The following PCDH11X variants were observed in gnomAD, a reference collection of about 807,000 sequenced individuals.
The protein encoded by PCDH11X is protocadherin 11 X-linked.
A neutral mutation model predicts 53.3 loss-of-function variants in PCDH11X; 18 were observed. That is an observed-to-expected ratio of 0.34 (90% CI 0.23 to 0.50). The LOEUF (loss-of-function observed/expected upper bound fraction) is 0.50, where lower values mean the gene tolerates loss of function less well. Among genes scored for constraint, PCDH11X ranks in the 20% least tolerant of loss-of-function variants. PCDH11X has a pLI of 0.98. For missense variants in PCDH11X, 570 were observed against 1,032.4 expected (o/e 0.55, Z 6.14); for synonymous variants, 279 against 393.3 (o/e 0.71, Z 3.44).
intron 6 of PCDH11X, among the ~76,000 whole-genome samples, chrX:92,162,811 C>T (rs1380665584): frequency 9.5e-6 from 1 of 105,310 alleles, no homozygotes; most frequent in East Asian, 3.1e-4. Context: ...GCTGGTTGGC[C>T]ACCTGCCAGG....
At chrX:92,267,109 C>T (rs1199817464) in intron 8 of PCDH11X, among the ~76,000 whole-genome samples, 1 of 111,844 alleles carries the variant, frequency 8.9e-6, no homozygotes, top group Non-Finnish European at 1.9e-5. Context: ...TTTGAAATTT[C>T]CTCGTATGAA....
At chrX:91,889,214 TTTTA>T (rs1940366738) in intron 6 of PCDH11X, among the ~76,000 whole-genome samples, 1 of 111,655 alleles carries the variant, frequency 9.0e-6, no homozygotes, top group Admixed American at 9.5e-5. Flanking sequence ...TTATTATTAT[TTTTA>T]TTTATTTCAT....
intron 4 of PCDH11X, among the ~76,000 whole-genome samples, chrX:91,822,425 T>G (rs1406425493): frequency 7.2e-5 from 8 of 110,594 alleles, no homozygotes; most frequent in Admixed American, 3.9e-4. Flanking sequence ...GTCAAGGAAT[T>G]TATCCATTTC....
chrX:92,572,911 A>G lies in PCDH11X; in HGVS notation c.3368-45353A>G, dbSNP rs1362482052. The stretch of plus-strand genomic sequence containing the variant: ...AAATAAATAAATAAATAAATATGAA[A>G]TAAACAAGCTCAGGAATTTAGAGAA... On this transcript the variant is annotated intron_variant, in intron 10 of 10. Coordinates refer to ENST00000682573, the MANE Select transcript of PCDH11X (RefSeq NM_032968.5). Among the ~76,000 whole-genome samples the G allele has an allele frequency of 4.5e-4, 49 of 109,394 alleles. 1 individual carries two copies. The highest frequency in any genetic ancestry group is 2.8e-4 in the East Asian group (1 of 3,554). The allele number at this position is 109,394 out of a possible 115,157, so 95.0% of individuals were successfully genotyped here.
chrX:92,133,217 G>A (rs774545158), intron 6 of PCDH11X, among the ~76,000 whole-genome samples: 3 of 111,642 alleles, frequency 2.7e-5, no homozygotes, highest in South Asian at 3.7e-4. Flanking sequence ...TTTATGAATC[G>A]TGAATGATAA....
chrX:92,295,274 T>G (rs967046188), intron 8 of PCDH11X, among the ~76,000 whole-genome samples: 9 of 110,440 alleles, frequency 8.1e-5, no homozygotes, highest in Non-Finnish European at 1.3e-4. Context: ...TTTATATTGG[T>G]CATGTCTAAA....
At chrX:91,993,204 A>C (rs2062355610) in intron 6 of PCDH11X, among the ~76,000 whole-genome samples, 1 of 112,925 alleles carries the variant, frequency 8.9e-6, no homozygotes, top group Non-Finnish European at 1.9e-5. Context: ...TGTGCAAAGA[A>C]GAACATAACA....
intron 10 of PCDH11X, among the ~76,000 whole-genome samples, chrX:92,505,544 T>C (rs759942441): frequency 6.3e-5 from 7 of 110,816 alleles, no homozygotes; most frequent in Non-Finnish European, 1.3e-4. Context: ...CTTTATTCTT[T>C]TCCATTAGTC....
At chrX:91,925,209 G>A (rs1462047895) in intron 6 of PCDH11X, among the ~76,000 whole-genome samples, 1 of 110,722 alleles carries the variant, frequency 9.0e-6, no homozygotes, top group Non-Finnish European at 1.9e-5. Context: ...CCTTAAACCT[G>A]CTCAGAACAC....
At chrX:92,509,033 A>G (rs2074117203) in intron 10 of PCDH11X, among the ~76,000 whole-genome samples, 1 of 93,458 alleles carries the variant, frequency 1.1e-5, no homozygotes, top group East Asian at 4.2e-4. Flanking sequence ...ATTCACTCTC[A>G]TAGCAATTTC....
At chrX:91,819,454 C>A (rs997543410) in intron 4 of PCDH11X, among the ~76,000 whole-genome samples, 1 of 109,906 alleles carries the variant, frequency 9.1e-6, no homozygotes, top group Non-Finnish European at 1.9e-5. Context: ...TATACTCTTA[C>A]CAGAAAATTT....
At chrX:92,215,816 G>T (rs4268281) in intron 7 of PCDH11X, among the ~76,000 whole-genome samples, 1 of 104,304 alleles carries the variant, frequency 9.6e-6, no homozygotes, top group Non-Finnish European at 2.0e-5. Context: ...AGTAGGGGCA[G>T]ACTGACACCT....
chrX:92,585,404 C>A (rs1924270818), intron 10 of PCDH11X, among the ~76,000 whole-genome samples: 1 of 101,948 alleles, frequency 9.8e-6, no homozygotes, highest in Non-Finnish European at 2.0e-5. Flanking sequence ...CAGAGTCTCG[C>A]TCTGTCGCCC....
chrX:92,273,361 G>C (rs1180955951), intron 8 of PCDH11X, among the ~76,000 whole-genome samples: 2 of 111,062 alleles, frequency 1.8e-5, no homozygotes, highest in East Asian at 5.7e-4. Context: ...GTTAAGGTGG[G>C]GTAGGAACAA....
At chrX:91,819,819 C>T (rs1602284636) in intron 4 of PCDH11X, among the ~76,000 whole-genome samples, 1 of 88,365 alleles carries the variant, frequency 1.1e-5, no homozygotes, top group African/African-American at 4.2e-5. Context: ...TATCCCTCCC[C>T]CCTCCCCCAA....
At chrX:92,348,926 C>T (rs182692207) in intron 8 of PCDH11X, among the ~76,000 whole-genome samples, 119 of 103,583 alleles carry the variant, frequency 1.1e-3, no homozygotes, top group Non-Finnish European at 3.2e-4. Context: ...AAATTTTCTG[C>T]ACTTACTTTC....
At chrX:91,971,680 G>A (rs1265584833) in intron 6 of PCDH11X, among the ~76,000 whole-genome samples, 1 of 111,879 alleles carries the variant, frequency 8.9e-6, no homozygotes, top group African/African-American at 3.2e-5. Context: ...CAACTAGTTG[G>A]CAGAATTTTG....
At chrX:92,086,700 G>A (rs1045931833) in intron 6 of PCDH11X, among the ~76,000 whole-genome samples, 2 of 110,310 alleles carry the variant, frequency 1.8e-5, no homozygotes, top group African/African-American at 6.6e-5. Context: ...AACTTTTTTT[G>A]ATGAGAAAGA....
intron 6 of PCDH11X, among the ~76,000 whole-genome samples, chrX:91,932,288 CA>C (rs1336533831): frequency 3.7e-5 from 4 of 109,061 alleles, no homozygotes; most frequent in Non-Finnish European, 7.6e-5. Context: ...TATGTTATTT[CA>C]AAAAAGGAAA....
Sources: allele counts gnomAD v4.1 joint callset (sites outside exome capture counted in the v4.1 genomes callset), GRCh38; gene constraint gnomAD v4.1.1; transcripts MANE v1.5; gene names NCBI Gene and HGNC (gene_info 2026-07-23, HGNC 2026-07-21).